The following MAP2K5 variants were observed in gnomAD, a reference collection of about 807,000 sequenced individuals.
MAP2K5 encodes the protein dual specificity mitogen-activated protein kinase kinase 5.
Under a neutral mutation model 83.1 loss-of-function variants are expected in MAP2K5, and 49 were observed. That is an observed-to-expected ratio of 0.59 (90% CI 0.47 to 0.75). The LOEUF (loss-of-function observed/expected upper bound fraction) is 0.75, where lower values mean the gene tolerates loss of function less well. MAP2K5 is among the 30% of genes least tolerant of loss of function. MAP2K5 has a pLI of 0.00. For synonymous variants in MAP2K5, 202 were observed against 191.8 expected (o/e 1.05, Z -0.44); for missense variants, 457 against 557.5 (o/e 0.82, Z 1.82).
intron 16 of MAP2K5, among the ~76,000 whole-genome samples, chr15:67,705,835 A>G (rs553669816): frequency 6.6e-6 from 1 of 152,206 alleles, no homozygotes; most frequent in East Asian, 1.9e-4. Context: ...GCCACCTGAT[A>G]ACAAGCTCAA....
intron 17 of MAP2K5, among the ~76,000 whole-genome samples, chr15:67,743,305 G>C (rs1256087052): frequency 2.6e-5 from 4 of 152,132 alleles, no homozygotes; most frequent in Non-Finnish European, 5.9e-5. Context: ...ATCTTCCTGT[G>C]ACTTTTTTAG....
chr15:67,547,704 A>G (rs1428565514), intron 1 of MAP2K5, among the ~76,000 whole-genome samples: 4 of 152,030 alleles, frequency 2.6e-5, no homozygotes, highest in Non-Finnish European at 5.9e-5. Context: ...TGATCCACCC[A>G]CTTCGGCCCC....
At chr15:67,549,149 G>A in intron 1 of MAP2K5, 1 of 1,535,632 alleles carries the variant, frequency 6.5e-7, no homozygotes. Flanking sequence ...GGAGAGAAAT[G>A]AGGTTTGCAG....
At chr15:67,709,819 C>T (rs1055785977) in intron 16 of MAP2K5, among the ~76,000 whole-genome samples, 3 of 152,148 alleles carry the variant, frequency 2.0e-5, no homozygotes, top group Non-Finnish European at 4.4e-5. Flanking sequence ...ATACATTCTC[C>T]GCTAGCCTTG....
In MAP2K5 at chr15:67,768,680, A is replaced by G. The variant is rs554204200; in HGVS notation, c.1135-922A>G. Among the ~76,000 whole-genome samples the G allele has an allele frequency of 7.9e-4, 120 of 152,356 alleles. No individual in the cohort carries two copies. The highest frequency in any genetic ancestry group is 1.1e-3 in the Non-Finnish European group (78 of 68,038). ...TTTTAATAGCAAATGAGAATAGATG[A>G]GAATGGAGTCATTTGCAGCTGCCTA... On this transcript the variant is annotated intron_variant, in intron 19 of 21. Transcript: ENST00000178640. This position sits in a 1 kb window ranked among gnomAD's most constrained non-coding sequence, Gnocchi z 4.0.
intron 7 of MAP2K5, among the ~76,000 whole-genome samples, chr15:67,596,770 A>G (rs1279256643): frequency 1.3e-5 from 2 of 152,232 alleles, no homozygotes; most frequent in African/African-American, 4.8e-5. Flanking sequence ...GGCAGTTGAC[A>G]TGTAATTGTA....
rs367991592 is a variant in MAP2K5, at chr15:67,802,980, C to G, written c.1243-3666C>G. Among the ~76,000 whole-genome samples, 7 of 152,328 alleles carry G rather than the reference C, an allele frequency of 4.6e-5. No individual in the cohort carries two copies. Among genetic ancestry groups the G allele is most frequent in the African/African-American group, 1.7e-4 (7 of 41,566 alleles). ...AGCAAGGCGTTTGGAGTCGGAGACCCATGTTCTGGTTCTAGCCCAACTGCC... is the reference window on the plus strand; with the variant it reads ...AGCAAGGCGTTTGGAGTCGGAGACCGATGTTCTGGTTCTAGCCCAACTGCC... On this transcript the variant is annotated intron_variant, in intron 21 of 21. Transcript: ENST00000178640. The surrounding 1 kb of genome is among the most constrained non-coding windows in gnomAD (Gnocchi z 5.0).
At chr15:67,603,942 T>G (rs16951061) in intron 8 of MAP2K5, among the ~76,000 whole-genome samples, 1,893 of 152,350 alleles carry the variant, frequency 0.012, 46 homozygotes, top group African/African-American at 0.043. Context: ...CTTTAAAGTG[T>G]AATAAAGCTA....
Position 67,623,646 on chromosome 15 carries a change from A to G in MAP2K5, c.546-7242A>G, listed in dbSNP as rs531757815. ...TTTTGCTCTTGTTGTCCAGGAGGCTAGAGTGCAATGGTGTGATCTCGGCTC... is the reference window on the plus strand; with the variant it reads ...TTTTGCTCTTGTTGTCCAGGAGGCTGGAGTGCAATGGTGTGATCTCGGCTC... On this transcript the variant is annotated intron_variant, in intron 8 of 21. Transcript: ENST00000178640. Among the ~76,000 whole-genome samples the G allele has an allele frequency of 1.9e-4, 28 of 148,532 alleles. No individual in the cohort carries two copies. The East Asian group carries it at 2.8e-3, about 15-fold the overall frequency.
chr15:67,723,298 A>G (rs1447804303), intron 16 of MAP2K5, among the ~76,000 whole-genome samples: 1 of 152,214 alleles, frequency 6.6e-6, no homozygotes, highest in African/African-American at 2.4e-5. Context: ...ATACAAATAT[A>G]TTTGTTATTT....
chr15:67,592,797 T>C, intron 6 of MAP2K5, 129 bp from the exon 7 acceptor site: 1 of 660,996 alleles, frequency 1.5e-6, no homozygotes, highest in Non-Finnish European at 2.6e-6. Flanking sequence ...AAATTTACAT[T>C]GGGAGAAGGA....
At chr15:67,718,177 G>C (rs1375389895) in intron 16 of MAP2K5, 1 of 152,144 alleles carries the variant, frequency 6.6e-6, no homozygotes, top group Non-Finnish European at 1.5e-5. Flanking sequence ...TCTAGAAATA[G>C]AAATGTGAGT....
At chr15:67,553,365 A>G (rs1393301301) in intron 2 of MAP2K5, among the ~76,000 whole-genome samples, 2 of 152,314 alleles carry the variant, frequency 1.3e-5, no homozygotes, top group Admixed American at 1.3e-4. Flanking sequence ...CTGTGATATC[A>G]TGCTCTTTCT....
intron 19 of MAP2K5, among the ~76,000 whole-genome samples, chr15:67,767,924 T>C (rs1217369303): frequency 6.6e-6 from 1 of 152,206 alleles, no homozygotes; most frequent in Non-Finnish European, 1.5e-5. Context: ...TCTCTACTGA[T>C]GAGAATTTTA....
chr15:67,547,184 T>C (rs1418169505), intron 1 of MAP2K5, among the ~76,000 whole-genome samples: 4 of 152,156 alleles, frequency 2.6e-5, no homozygotes, highest in Non-Finnish European at 5.9e-5. Context: ...TTTATGTCTT[T>C]TGTTTGGTGC....
intron 21 of MAP2K5, among the ~76,000 whole-genome samples, chr15:67,795,833 G>A (rs1392094926): frequency 2.6e-5 from 4 of 152,106 alleles, no homozygotes; most frequent in African/African-American, 9.7e-5. Context: ...CACTACTATT[G>A]TGTCTGTGTC....
intron 7 of MAP2K5, 66 bp from the exon 8 acceptor site, chr15:67,600,619 T>A: frequency 7.9e-7 from 1 of 1,272,130 alleles, no homozygotes; most frequent in Non-Finnish European, 1.1e-6. Context: ...GGCCCAGAGT[T>A]GCTTTTCCTT....
chr15:67,600,209 A>T (rs1041835751), intron 7 of MAP2K5, among the ~76,000 whole-genome samples: 8 of 152,152 alleles, frequency 5.3e-5, no homozygotes, highest in African/African-American at 1.9e-4. Context: ...CATAAACATT[A>T]TTTAGTTTGT....
At chr15:67,570,897 A>G (rs16951007) in intron 3 of MAP2K5, among the ~76,000 whole-genome samples, 22,385 of 152,192 alleles carry the variant, frequency 0.15, 2,138 homozygotes, top group African/African-American at 0.26. Context: ...AGTATTCCTT[A>G]TAAGTGAAAT....
Sources: gnomAD v4.1 joint callset for allele counts (sites outside exome capture counted in the v4.1 genomes callset) on GRCh38, gnomAD v4.1.1 for gene constraint, Gnocchi (gnomAD v3.1) non-coding constraint, MANE v1.5 for transcripts, NCBI Gene and HGNC (gene_info 2026-07-23, HGNC 2026-07-21) for gene names.